PPARGC1A: variants seen among roughly 807,000 people sequenced by gnomAD.
The protein encoded by PPARGC1A is peroxisome proliferator-activated receptor gamma coactivator 1-alpha.
Under a neutral mutation model 88.7 loss-of-function variants are expected in PPARGC1A, and 25 were observed. The ratio of observed to expected loss-of-function variants is 0.28; its 90% CI spans 0.21 to 0.39. The LOEUF (loss-of-function observed/expected upper bound fraction) is 0.39. Among genes scored for constraint, PPARGC1A ranks in the 10% least tolerant of loss-of-function variants. The pLI, the probability that PPARGC1A is intolerant of heterozygous loss-of-function variation, is 1.00. For synonymous variants in PPARGC1A, 363 were observed against 355.6 expected, an observed-to-expected ratio of 1.02 and a Z score of -0.24; for missense variants, 880 against 968.7, an observed-to-expected ratio of 0.91 and a Z score of 1.22.
the PPARGC1A span, among the ~76,000 whole-genome samples, chr4:23,909,907 G>T: frequency 6.6e-6 from 1 of 151,046 alleles, no homozygotes; most frequent in Non-Finnish European, 1.5e-5. Context: ...GCTGCTAAGG[G>T]AAATACAAAG....
intron 2 of PPARGC1A, among the ~76,000 whole-genome samples, chr4:23,860,334 T>G (rs984864804): frequency 6.8e-6 from 1 of 147,482 alleles, no homozygotes; most frequent in African/African-American, 2.5e-5. Context: ...GGGGAAGGTA[T>G]GGAAAGATAA....
chr4:24,457,691 C>A, the PPARGC1A span, among the ~76,000 whole-genome samples: 1 of 151,974 alleles, frequency 6.6e-6, no homozygotes, highest in Non-Finnish European at 1.5e-5. Context: ...ACTACAGGCA[C>A]CCGACACCAC....
chr4:24,296,018 A>G, the PPARGC1A span, among the ~76,000 whole-genome samples: 17 of 7,704 alleles, frequency 2.2e-3, no homozygotes, highest in African/African-American at 4.4e-3. Flanking sequence ...GTGTATATAT[A>G]TGTATATGTG....
At chr4:24,317,555 T>TACAAAAAAAAAAAAAAAA in the PPARGC1A span, among the ~76,000 whole-genome samples, 1 of 22,208 alleles carries the variant, frequency 4.5e-5, no homozygotes, top group Non-Finnish European at 1.1e-4. Context: ...TTCAGAGGAC[T>TACAAAAAAAAAAAAAAAA]AAAAAAAAAA....
At chr4:24,333,413 G>GTT in the PPARGC1A span, among the ~76,000 whole-genome samples, 1 of 152,154 alleles carries the variant, frequency 6.6e-6, no homozygotes, top group African/African-American at 2.4e-5. Flanking sequence ...ACTATTACCT[G>GTT]TTTGTTCCAA....
the PPARGC1A span, among the ~76,000 whole-genome samples, chr4:24,308,661 G>T: frequency 6.6e-6 from 1 of 152,284 alleles, no homozygotes; most frequent in South Asian, 2.1e-4. Context: ...AAGTGTGAGG[G>T]TGAGAGGAAG....
At chr4:24,029,979 A>G in the PPARGC1A span, among the ~76,000 whole-genome samples, 2 of 152,154 alleles carry the variant, frequency 1.3e-5, no homozygotes, top group South Asian at 4.1e-4. Context: ...GGGAACTCAT[A>G]TTTGGGAGAG....
At chr4:24,370,543 G>GAACAATAC in the PPARGC1A span, among the ~76,000 whole-genome samples, 4 of 152,038 alleles carry the variant, frequency 2.6e-5, no homozygotes, top group Non-Finnish European at 5.9e-5. Context: ...ATACCCTTAA[G>GAACAATAC]CTATAACAAT....
At chr4:24,290,717 C>T in the PPARGC1A span, among the ~76,000 whole-genome samples, 1 of 151,892 alleles carries the variant, frequency 6.6e-6, no homozygotes, top group African/African-American at 2.4e-5. Context: ...AGTAGGCACT[C>T]GATAACCTTG....
the PPARGC1A span, among the ~76,000 whole-genome samples, chr4:24,436,130 A>G: frequency 6.6e-6 from 1 of 152,344 alleles, no homozygotes; most frequent in Non-Finnish European, 1.5e-5. Context: ...CCCGATCAAT[A>G]TAATGTTCCC....
chr4:24,158,264 T>A, the PPARGC1A span, among the ~76,000 whole-genome samples: 1 of 152,144 alleles, frequency 6.6e-6, no homozygotes, highest in East Asian at 1.9e-4. Context: ...AACCTCATCA[T>A]CAGTCACTTT....
At chr4:24,242,980 A>G in the PPARGC1A span, among the ~76,000 whole-genome samples, 2 of 152,174 alleles carry the variant, frequency 1.3e-5, no homozygotes, top group Non-Finnish European at 1.5e-5. Flanking sequence ...TTATGGTTAT[A>G]TGTACTCAGA....
chr4:23,868,457 G>T (rs1560478404), intron 2 of PPARGC1A, among the ~76,000 whole-genome samples: 1 of 152,144 alleles, frequency 6.6e-6, no homozygotes, highest in Non-Finnish European at 1.5e-5. Flanking sequence ...TTCTGAATTT[G>T]GTAGAGCCCC....
At chr4:23,989,246 G>A in the PPARGC1A span, among the ~76,000 whole-genome samples, 2 of 151,744 alleles carry the variant, frequency 1.3e-5, no homozygotes, top group Non-Finnish European at 2.9e-5. Context: ...TTCAATCCTC[G>A]GTTAACAAGA....
chr4:24,448,747 T>G, the PPARGC1A span, among the ~76,000 whole-genome samples: 1 of 152,076 alleles, frequency 6.6e-6, no homozygotes, highest in Non-Finnish European at 1.5e-5. Context: ...CCACCCCTAG[T>G]CTGAATACCC....
chr4:24,068,475 A>G, the PPARGC1A span, among the ~76,000 whole-genome samples: 3 of 152,142 alleles, frequency 2.0e-5, no homozygotes, highest in Non-Finnish European at 4.4e-5. Flanking sequence ...TGCACATTAC[A>G]ATGGGCTTCA....
the PPARGC1A span, among the ~76,000 whole-genome samples, chr4:24,287,555 C>A: frequency 6.6e-6 from 1 of 151,578 alleles, no homozygotes; most frequent in Non-Finnish European, 1.5e-5. Context: ...ACCATTCTTA[C>A]CAAGAAAGTG....
chr4:24,426,066 A>C, the PPARGC1A span, among the ~76,000 whole-genome samples: 2 of 152,224 alleles, frequency 1.3e-5, no homozygotes, highest in Admixed American at 6.5e-5. Flanking sequence ...TAACACAAGC[A>C]ATCATAAATA....
the PPARGC1A span, among the ~76,000 whole-genome samples, chr4:24,025,878 C>G: frequency 6.6e-6 from 1 of 152,056 alleles, no homozygotes; most frequent in Admixed American, 6.6e-5. Flanking sequence ...AAAATGTGTC[C>G]TGGAGCTGTA....
Sources: gnomAD v4.1 joint callset for allele counts (sites outside exome capture counted in the v4.1 genomes callset) on GRCh38, gnomAD v4.1.1 for gene constraint, MANE v1.5 for transcripts, NCBI Gene and HGNC (gene_info 2026-07-23, HGNC 2026-07-21) for gene names.